Variants in PTH2R observed in about 807,000 individuals in gnomAD.
PTH2R encodes PTH2 receptor.
Under a neutral mutation model 60.3 loss-of-function variants are expected in PTH2R, and 59 were observed. The observed-to-expected ratio is 0.98, with a 90% CI of 0.79 to 1.22. PTH2R has a LOEUF of 1.22. PTH2R is among the 50% of genes most tolerant of loss of function. The probability of loss-of-function intolerance (pLI) is 0.00; values close to 1 mark genes in which losing one functional copy is unlikely to be tolerated. For missense variants in PTH2R, 749 were observed against 682.6 expected (o/e 1.10, Z -1.08); for synonymous variants, 256 against 243.8 (o/e 1.05, Z -0.47).
chr2:208,416,344 A>T (rs994914241), intron 1 of PTH2R, among the ~76,000 whole-genome samples: 1 of 152,226 alleles, frequency 6.6e-6, no homozygotes, highest in Non-Finnish European at 1.5e-5. Flanking sequence ...AGCACTTTGT[A>T]GGAAATATTT....
intron 1 of PTH2R, among the ~76,000 whole-genome samples, chr2:208,412,053 G>A (rs989813519): frequency 1.3e-5 from 2 of 152,112 alleles, no homozygotes; most frequent in African/African-American, 4.8e-5. Flanking sequence ...AGAATTTTGC[G>A]AGGCCATTTT....
At chr2:208,396,856 T>A (rs1032636544) in intron 1 of PTH2R, among the ~76,000 whole-genome samples, 24 of 152,288 alleles carry the variant, frequency 1.6e-4, no homozygotes, top group East Asian at 1.9e-4. Context: ...CACATGCATA[T>A]GTATGTTTAT....
chr2:208,362,036 G>A (rs1700484291), intron 1 of PTH2R, among the ~76,000 whole-genome samples: 1 of 152,168 alleles, frequency 6.6e-6, no homozygotes, highest in African/African-American at 2.4e-5. Flanking sequence ...AACCAAAAAG[G>A]TGGAGAAAGG....
intron 1 of PTH2R, among the ~76,000 whole-genome samples, chr2:208,401,493 T>A (rs1701307851): frequency 6.6e-6 from 1 of 151,992 alleles, no homozygotes. Context: ...AACCGCTCAG[T>A]GATCAGGTCC....
At chr2:208,376,437 AT>A (rs1370127141) in intron 1 of PTH2R, among the ~76,000 whole-genome samples, 5 of 152,040 alleles carry the variant, frequency 3.3e-5, no homozygotes, top group Non-Finnish European at 7.4e-5. Context: ...CAAATATGTG[AT>A]TTTCGTCAAA....
intron 1 of PTH2R, among the ~76,000 whole-genome samples, chr2:208,371,066 G>T (rs963164373): frequency 1.1e-4 from 17 of 152,018 alleles, no homozygotes; most frequent in South Asian, 4.1e-4. Context: ...TCACCATGGG[G>T]ATGGCACTAA....
chr2:208,371,432 C>T (rs1700699354), intron 1 of PTH2R, among the ~76,000 whole-genome samples: 1 of 152,068 alleles, frequency 6.6e-6, no homozygotes, highest in Non-Finnish European at 1.5e-5. Flanking sequence ...TCACTGAAGC[C>T]TCAGTTGGTA....
At chr2:208,394,705 G>A (rs935475726) in intron 1 of PTH2R, among the ~76,000 whole-genome samples, 9 of 152,300 alleles carry the variant, frequency 5.9e-5, no homozygotes, top group East Asian at 1.9e-4. Flanking sequence ...GGGAGGGGGC[G>A]TGCTAGATTG....
chr2:208,407,968 A>T (rs1489149266), intron 1 of PTH2R, among the ~76,000 whole-genome samples: 1 of 152,244 alleles, frequency 6.6e-6, no homozygotes, highest in Non-Finnish European at 1.5e-5. Context: ...GCAGTGATTT[A>T]TGTGTTGATA....
intron 1 of PTH2R, among the ~76,000 whole-genome samples, chr2:208,425,712 T>C (rs1701843660): frequency 6.6e-6 from 1 of 152,198 alleles, no homozygotes; most frequent in East Asian, 1.9e-4. Flanking sequence ...CTGCAGCTTG[T>C]TCTGTGGTGT....
chr2:208,359,893 C>T (rs1158863624), exon 1 of PTH2R: 6 of 204,212 alleles, frequency 2.9e-5, no homozygotes, highest in South Asian at 1.9e-4. Context: ...GGCTGGTGGC[C>T]AGCTGCGCAG....
chr2:208,393,812 C>T (rs1421890025), intron 1 of PTH2R, among the ~76,000 whole-genome samples: 2 of 152,162 alleles, frequency 1.3e-5, no homozygotes, highest in South Asian at 2.1e-4. Flanking sequence ...GAGAAGGGAA[C>T]TTGAACCCTT....
At chr2:208,440,508 A>G (rs996191040) in intron 4 of PTH2R, among the ~76,000 whole-genome samples, 5 of 152,218 alleles carry the variant, frequency 3.3e-5, no homozygotes, top group African/African-American at 4.8e-5. Context: ...AGTCGCAACA[A>G]TAAGTTGGCT....
At chr2:208,417,970 T>A (rs1397990592) in intron 1 of PTH2R, among the ~76,000 whole-genome samples, 1 of 152,206 alleles carries the variant, frequency 6.6e-6, no homozygotes, top group African/African-American at 2.4e-5. Context: ...ATTCTGCTAT[T>A]TGCAGATGTT....
At chr2:208,436,262 A>G (rs946007520) in intron 2 of PTH2R, among the ~76,000 whole-genome samples, 1 of 139,514 alleles carries the variant, frequency 7.2e-6, no homozygotes, top group Admixed American at 7.7e-5. Flanking sequence ...AGAAGTTGAC[A>G]TTTGAGTGAA....
At chr2:208,478,882 A>G (rs1042445282) in intron 9 of PTH2R, among the ~76,000 whole-genome samples, 1 of 152,190 alleles carries the variant, frequency 6.6e-6, no homozygotes, top group Non-Finnish European at 1.5e-5. Context: ...GGGACAAGAA[A>G]ATGCCTGTCT....
At chr2:208,416,999 T>C (rs1393675662) in intron 1 of PTH2R, among the ~76,000 whole-genome samples, 2 of 152,152 alleles carry the variant, frequency 1.3e-5, no homozygotes, top group East Asian at 1.9e-4. Flanking sequence ...TCTGTCCCTC[T>C]AGAGATCCTT....
chr2:208,452,002 A>C (rs896412409), intron 8 of PTH2R, among the ~76,000 whole-genome samples: 1 of 152,212 alleles, frequency 6.6e-6, no homozygotes, highest in African/African-American at 2.4e-5. Flanking sequence ...CAACGGACCC[A>C]AAACACATGA....
At chr2:208,387,170 T>C (rs1450034605) in intron 1 of PTH2R, among the ~76,000 whole-genome samples, 2 of 152,190 alleles carry the variant, frequency 1.3e-5, no homozygotes, top group African/African-American at 4.8e-5. Context: ...GATAGTGCTT[T>C]ATACATTTTT....
Sources: gnomAD v4.1 joint callset for allele counts (sites outside exome capture counted in the v4.1 genomes callset) on GRCh38, gnomAD v4.1.1 for gene constraint, MANE v1.5 for transcripts, NCBI Gene and HGNC (gene_info 2026-07-23, HGNC 2026-07-21) for gene names.